The following GALNT13 variants were observed in gnomAD, a reference collection of about 807,000 sequenced individuals.
GALNT13 encodes the protein polypeptide N-acetylgalactosaminyltransferase 13.
A neutral mutation model predicts 64.2 loss-of-function variants in GALNT13; 28 were observed. The observed-to-expected ratio is 0.44, with a 90% CI of 0.32 to 0.60. The LOEUF is 0.60. Ranked by LOEUF, GALNT13 falls within the 20% of genes least tolerant of loss-of-function variation. The probability of loss-of-function intolerance (pLI) is 0.05; values close to 1 mark genes in which losing one functional copy is unlikely to be tolerated. For missense variants in GALNT13, 577 were observed against 669.8 expected (o/e 0.86, Z 1.53); for synonymous variants, 214 against 224.6 (o/e 0.95, Z 0.42).
the GALNT13 span, among the ~76,000 whole-genome samples, chr2:153,583,384 A>C: frequency 6.6e-6 from 1 of 152,220 alleles, no homozygotes; most frequent in Non-Finnish European, 1.5e-5. Context: ...ACTTAGAAGA[A>C]CCAAAGTAAT....
At chr2:153,355,045 A>G in the GALNT13 span, among the ~76,000 whole-genome samples, 1 of 152,206 alleles carries the variant, frequency 6.6e-6, no homozygotes, top group African/African-American at 2.4e-5. Context: ...AATCAAGTGC[A>G]TTCTCTAGAG....
chr2:153,847,146 A>C, the GALNT13 span, among the ~76,000 whole-genome samples: 1 of 152,028 alleles, frequency 6.6e-6, no homozygotes, highest in Non-Finnish European at 1.5e-5. Flanking sequence ...ATTCATGACA[A>C]AGAACACCTT....
At chr2:153,297,951 A>G in the GALNT13 span, among the ~76,000 whole-genome samples, 2 of 152,220 alleles carry the variant, frequency 1.3e-5, no homozygotes, top group African/African-American at 4.8e-5. Context: ...ATTCAAGAAT[A>G]GAATACACAC....
At chr2:153,535,033 G>A in the GALNT13 span, among the ~76,000 whole-genome samples, 1 of 152,032 alleles carries the variant, frequency 6.6e-6, no homozygotes, top group African/African-American at 2.4e-5. Flanking sequence ...TTGGGGGGTG[G>A]TATGGAGAGA....
chr2:153,652,635 A>C, the GALNT13 span, among the ~76,000 whole-genome samples: 1 of 152,126 alleles, frequency 6.6e-6, no homozygotes. Context: ...AAAAAATTAG[A>C]GACAGAAAGA....
At chr2:154,103,159 A>G (rs1574503271) in intron 3 of GALNT13, among the ~76,000 whole-genome samples, 1 of 152,130 alleles carries the variant, frequency 6.6e-6, no homozygotes, top group East Asian at 1.9e-4. Context: ...AGGTTTGATC[A>G]CACTACATAA....
the GALNT13 span, among the ~76,000 whole-genome samples, chr2:153,295,169 C>G: frequency 2.6e-5 from 4 of 151,996 alleles, no homozygotes; most frequent in African/African-American, 9.7e-5. Context: ...GGGGCTGGCA[C>G]CAAATCAGGA....
At chr2:154,298,087 T>C (rs981587775) in intron 8 of GALNT13, among the ~76,000 whole-genome samples, 2 of 151,862 alleles carry the variant, frequency 1.3e-5, no homozygotes, top group Non-Finnish European at 2.9e-5. Context: ...TGTAAATTAA[T>C]AGTAACAAGT....
At chr2:153,252,767 A>G in the GALNT13 span, among the ~76,000 whole-genome samples, 1 of 152,322 alleles carries the variant, frequency 6.6e-6, no homozygotes, top group East Asian at 1.9e-4. Context: ...GGTTTGTCAA[A>G]GATCTGATAG....
chr2:153,303,824 C>G, the GALNT13 span, among the ~76,000 whole-genome samples: 4 of 151,888 alleles, frequency 2.6e-5, no homozygotes, highest in Non-Finnish European at 5.9e-5. Flanking sequence ...GAATTCACAG[C>G]CTCTTTCTAA....
At chr2:153,301,144 C>T in the GALNT13 span, among the ~76,000 whole-genome samples, 5 of 151,770 alleles carry the variant, frequency 3.3e-5, no homozygotes, top group East Asian at 2.0e-4. Flanking sequence ...TGGAGTGAGC[C>T]GTGATCATGC....
At chr2:153,354,613 GTC>G in the GALNT13 span, among the ~76,000 whole-genome samples, 1 of 152,128 alleles carries the variant, frequency 6.6e-6, no homozygotes, top group African/African-American at 2.4e-5. Flanking sequence ...GAAAATAAGA[GTC>G]AGTAGTTATG....
chr2:153,533,900 C>CT, the GALNT13 span, among the ~76,000 whole-genome samples: 1 of 151,024 alleles, frequency 6.6e-6, no homozygotes, highest in Non-Finnish European at 1.5e-5. Flanking sequence ...CTATTCTTGT[C>CT]TTTTTTTATT....
chr2:154,400,618 GAA>G, intron 10 of GALNT13, among the ~76,000 whole-genome samples: 1 of 152,082 alleles, frequency 6.6e-6, no homozygotes, highest in Non-Finnish European at 1.5e-5. Context: ...TCAAGTAATT[GAA>G]ATATTACTTT....
At chr2:153,333,571 A>G in the GALNT13 span, among the ~76,000 whole-genome samples, 4 of 152,096 alleles carry the variant, frequency 2.6e-5, no homozygotes, top group African/African-American at 7.2e-5. Flanking sequence ...CTAATCTACC[A>G]TCTTGAAAAA....
At chr2:154,059,984 AT>A (rs1226962840) in intron 3 of GALNT13, among the ~76,000 whole-genome samples, 2 of 152,120 alleles carry the variant, frequency 1.3e-5, no homozygotes, top group Non-Finnish European at 2.9e-5. Flanking sequence ...CTGTGATGGT[AT>A]TTGGAGATGG....
chr2:153,501,771 A>G, the GALNT13 span, among the ~76,000 whole-genome samples: 3 of 152,232 alleles, frequency 2.0e-5, no homozygotes, highest in Non-Finnish European at 2.9e-5. Context: ...TTTAAGAAAA[A>G]CAAGATCCAC....
At chr2:154,445,039 G>GA (rs1317958252) in intron 12 of GALNT13, among the ~76,000 whole-genome samples, 3 of 151,794 alleles carry the variant, frequency 2.0e-5, no homozygotes, top group Non-Finnish European at 2.9e-5. Flanking sequence ...AGTATACTGA[G>GA]AAAAAAATGA....
chr2:153,645,849 AC>A, the GALNT13 span, among the ~76,000 whole-genome samples: 4 of 152,084 alleles, frequency 2.6e-5, no homozygotes, highest in Admixed American at 6.6e-5. Context: ...AAAGAGGGTT[AC>A]AGAGCAGCAG....
Sources: allele counts gnomAD v4.1 joint callset (sites outside exome capture counted in the v4.1 genomes callset), GRCh38; gene constraint gnomAD v4.1.1; transcripts MANE v1.5; gene names NCBI Gene and HGNC (gene_info 2026-07-23, HGNC 2026-07-21).